YIPF7: variants seen among roughly 807,000 people sequenced by gnomAD.
YIPF7 encodes the protein protein YIPF7.
In YIPF7, 35 loss-of-function variants were observed where a neutral mutation model predicts 27.2. The observed-to-expected ratio is 1.29, with a 90% CI of 0.98 to 1.70. The LOEUF (loss-of-function observed/expected upper bound fraction) is 1.70. YIPF7 is among the 40% of genes most tolerant of loss of function. YIPF7 has a pLI of 0.00. For missense variants in YIPF7, 358 were observed against 303.7 expected, an observed-to-expected ratio of 1.18 and a Z score of -1.33; for synonymous variants, 137 against 110.4, an observed-to-expected ratio of 1.24 and a Z score of -1.51.
At position 44,624,506 on chromosome 4, in the gene YIPF7, C is replaced by T. The variant is rs1712554432; in HGVS notation, c.608+95G>A. 7 of 1,358,552 alleles carry T rather than the reference C, an allele frequency of 5.2e-6. No homozygotes were observed. In the South Asian group the frequency reaches 1.2e-4, roughly 23 times the overall value. The allele number at this position is 1,358,552 out of a possible 1,614,324, so 84.2% of individuals were successfully genotyped here. ...GCCATGGTTTTCCCAGTTCCACTAC[C>T]AAAACAATCAGGAAGGGCTCAACTT... On this transcript the variant is annotated intron_variant, in intron 5 of 5. Coordinates refer to ENST00000415895, the MANE Select transcript of YIPF7 (RefSeq NM_182592.3).
upstream of YIPF7, among the ~76,000 whole-genome samples, chr4:44,654,268 T>C (rs936812175): frequency 6.6e-6 from 1 of 151,914 alleles, no homozygotes; most frequent in Admixed American, 6.6e-5. Flanking sequence ...TAGATTGATA[T>C]TACATATAGT....
intron 2 of YIPF7, among the ~76,000 whole-genome samples, chr4:44,644,267 T>A (rs763694010): frequency 2.6e-5 from 4 of 152,214 alleles, no homozygotes; most frequent in Non-Finnish European, 5.9e-5. Flanking sequence ...TTGGCTTCCC[T>A]GGGCCACACT....
upstream of YIPF7, chr4:44,651,651 A>G: frequency 6.6e-7 from 1 of 1,515,446 alleles, no homozygotes; most frequent in Non-Finnish European, 8.9e-7. Context: ...TGCTGGCTAT[A>G]TATATACCTT....
intron 3 of YIPF7, among the ~76,000 whole-genome samples, chr4:44,632,405 C>T (rs1712938962): frequency 6.6e-6 from 1 of 152,122 alleles, no homozygotes; most frequent in African/African-American, 2.4e-5. Flanking sequence ...TCGAGCTACG[C>T]TATAAATACA....
At chr4:44,647,757 C>CACCT (rs1713578302) in intron 2 of YIPF7, among the ~76,000 whole-genome samples, 1 of 152,092 alleles carries the variant, frequency 6.6e-6, no homozygotes. Context: ...TATTTGCTTA[C>CACCT]ACCTGTAGGA....
At chr4:44,655,149 C>T (rs376823748), upstream of YIPF7, among the ~76,000 whole-genome samples, 1 of 151,978 alleles carries the variant, frequency 6.6e-6, no homozygotes, top group Non-Finnish European at 1.5e-5. Flanking sequence ...GTTATGCATA[C>T]ATATTTGTGT....
chr4:44,655,860 A>G (rs547993179), upstream of YIPF7, among the ~76,000 whole-genome samples: 24 of 152,070 alleles, frequency 1.6e-4, no homozygotes, highest in Admixed American at 9.2e-4. Flanking sequence ...ACAGAGACAC[A>G]TGAAAATGGG....
upstream of YIPF7, among the ~76,000 whole-genome samples, chr4:44,651,943 A>G (rs1713751541): frequency 2.0e-5 from 3 of 152,250 alleles, no homozygotes; most frequent in Admixed American, 2.0e-4. Flanking sequence ...TCCTAATAAT[A>G]TGCAGTAAAA....
chr4:44,622,935 T>A (rs746753343), intron 5 of YIPF7, among the ~76,000 whole-genome samples: 40 of 152,216 alleles, frequency 2.6e-4, no homozygotes, highest in Non-Finnish European at 4.7e-4. Flanking sequence ...TTTTCCCTAC[T>A]TTCCTCAAAA....
chr4:44,661,635 T>C (rs1491322), intron 1 of YIPF7, among the ~76,000 whole-genome samples: 82,903 of 152,064 alleles, frequency 0.55, 23,577 homozygotes, highest in Non-Finnish European at 0.64. Flanking sequence ...TGTCATCTTC[T>C]TAACAACAAT....
In YIPF7 at chr4:44,624,551, C is replaced by T. The variant is rs559992068; in HGVS notation, c.608+50G>A. The T allele has an allele frequency of 9.5e-6, 14 of 1,477,498 alleles. No individual in the cohort carries two copies. The South Asian group carries it at 1.5e-4, about 16-fold the overall frequency. The allele number at this position is 1,477,498 out of a possible 1,614,324, so 91.5% of individuals were successfully genotyped here. A position where few individuals can be genotyped will look rare whatever the true frequency, so the allele number is the denominator to read the frequency against. On this transcript the variant is annotated intron_variant, in intron 5 of 5. Transcript: ENST00000415895. ...CAACTTTTTCATGGCTGTGGCAAACCTTGGCTATGATTGTGCATGTGGGGT... is the reference window on the plus strand; with the variant it reads ...CAACTTTTTCATGGCTGTGGCAAACTTTGGCTATGATTGTGCATGTGGGGT...
chr4:44,659,530 G>A (rs188266299), intron 2 of YIPF7, among the ~76,000 whole-genome samples: 18 of 152,078 alleles, frequency 1.2e-4, no homozygotes, highest in African/African-American at 3.9e-4. Flanking sequence ...AATTCATAAC[G>A]GAAAAATCTG....
intron 4 of YIPF7, among the ~76,000 whole-genome samples, chr4:44,627,479 G>A (rs765231141): frequency 3.9e-5 from 6 of 151,980 alleles, no homozygotes; most frequent in Admixed American, 6.6e-5. Context: ...TGTGTCAGCC[G>A]GTAAAATCAC....
chr4:44,660,812 G>A (rs377356766), intron 1 of YIPF7, among the ~76,000 whole-genome samples: 11 of 152,162 alleles, frequency 7.2e-5, no homozygotes, highest in African/African-American at 2.7e-4. Context: ...AAGCTCAAAG[G>A]GTCCCAGGCT....
At chr4:44,630,394 C>G (rs1712844634) in intron 3 of YIPF7, among the ~76,000 whole-genome samples, 1 of 152,198 alleles carries the variant, frequency 6.6e-6, no homozygotes, top group South Asian at 2.1e-4. Flanking sequence ...TTTACTTCCA[C>G]TATGCCTAAT....
chr4:44,651,792 C>A (rs989726767), upstream of YIPF7, among the ~76,000 whole-genome samples: 5 of 152,190 alleles, frequency 3.3e-5, no homozygotes, highest in African/African-American at 1.2e-4. Context: ...TACAGACTTA[C>A]AATTTGATAA....
At chr4:44,656,942 G>T (rs1035912225) in intron 2 of YIPF7, among the ~76,000 whole-genome samples, 1 of 152,094 alleles carries the variant, frequency 6.6e-6, no homozygotes, top group Non-Finnish European at 1.5e-5. Flanking sequence ...CAGTAAGGAC[G>T]TATGTTTATG....
intron 4 of YIPF7, 62 bp downstream of exon 4, chr4:44,629,341 G>T (rs1300937913): frequency 7.0e-7 from 1 of 1,430,184 alleles, no homozygotes. Context: ...TATACAGATT[G>T]CTTCAAAGCC....
intron 2 of YIPF7, among the ~76,000 whole-genome samples, chr4:44,640,070 T>C (rs528056786): frequency 6.6e-5 from 10 of 152,332 alleles, no homozygotes; most frequent in Admixed American, 2.6e-4. Flanking sequence ...TATTTTTTGA[T>C]GTGCTGTTGC....
Sources: gnomAD v4.1 joint callset for allele counts (sites outside exome capture counted in the v4.1 genomes callset) on GRCh38, gnomAD v4.1.1 for gene constraint, MANE v1.5 for transcripts, NCBI Gene and HGNC (gene_info 2026-07-23, HGNC 2026-07-21) for gene names.